The following PACS1 variants were observed in gnomAD, a reference collection of about 807,000 sequenced individuals.
PACS1 encodes PACS-1.
PACS1 carries 24 observed loss-of-function variants against 115.0 expected under a neutral mutation model. That is an observed-to-expected ratio of 0.21 (90% CI 0.15 to 0.29). PACS1 has a LOEUF of 0.29. Among genes scored for constraint, PACS1 ranks in the 10% least tolerant of loss-of-function variants. The pLI, the probability that PACS1 is intolerant of heterozygous loss-of-function variation, is 1.00. For missense variants in PACS1, 838 were observed against 1,251.2 expected (o/e 0.67, Z 4.98); for synonymous variants, 453 against 504.5 (o/e 0.90, Z 1.37).
intron 2 of PACS1, among the ~76,000 whole-genome samples, chr11:66,210,133 T>G (rs1245586493): frequency 1.3e-5 from 2 of 151,874 alleles, no homozygotes; most frequent in Non-Finnish European, 2.9e-5. Flanking sequence ...TGGGCTCAAG[T>G]GATCCTCGCA....
intron 2 of PACS1, among the ~76,000 whole-genome samples, chr11:66,199,429 T>A (rs187319613): frequency 1.2e-4 from 18 of 152,186 alleles, no homozygotes; most frequent in African/African-American, 3.1e-4. Flanking sequence ...TACCATTCAG[T>A]TTAAAATAAT....
At chr11:66,091,221 A>G (rs1306093888) in intron 1 of PACS1, among the ~76,000 whole-genome samples, 1 of 151,986 alleles carries the variant, frequency 6.6e-6, no homozygotes, top group Non-Finnish European at 1.5e-5. Flanking sequence ...GATCACTGCA[A>G]CCTCCGCCTC....
At chr11:66,200,815 C>T (rs1854771572) in intron 2 of PACS1, among the ~76,000 whole-genome samples, 1 of 151,856 alleles carries the variant, frequency 6.6e-6, no homozygotes, top group African/African-American at 2.4e-5. Context: ...ATTTACAGAA[C>T]ATTTCTTCCA....
intron 1 of PACS1, among the ~76,000 whole-genome samples, chr11:66,085,341 A>C (rs1590733229): frequency 6.6e-6 from 1 of 152,306 alleles, no homozygotes; most frequent in East Asian, 1.9e-4. Flanking sequence ...TTGAAAGAGA[A>C]CAGAAAAATA....
chr11:66,163,415 C>G (rs1859534550), intron 1 of PACS1, among the ~76,000 whole-genome samples: 1 of 151,066 alleles, frequency 6.6e-6, no homozygotes, highest in Non-Finnish European at 1.5e-5. Context: ...CCCAGTATCT[C>G]AGTCACACCC....
intron 1 of PACS1, among the ~76,000 whole-genome samples, chr11:66,146,702 A>G (rs1256627087): frequency 6.6e-6 from 1 of 152,150 alleles, no homozygotes; most frequent in Non-Finnish European, 1.5e-5. Context: ...AATCGGATAA[A>G]TATTAAGGGA....
intron 1 of PACS1, among the ~76,000 whole-genome samples, chr11:66,137,744 G>A (rs1858880817): frequency 6.6e-6 from 1 of 152,118 alleles, no homozygotes; most frequent in Admixed American, 6.5e-5. Context: ...ATTACTCACT[G>A]TTTCCTATTT....
intron 1 of PACS1, among the ~76,000 whole-genome samples, chr11:66,144,248 G>C (rs761747424): frequency 6.6e-6 from 1 of 152,210 alleles, no homozygotes; most frequent in Non-Finnish European, 1.5e-5. Context: ...TGTGTTTGCT[G>C]TATGACAAGA....
At chr11:66,165,759 T>C (rs1274050905) in intron 1 of PACS1, among the ~76,000 whole-genome samples, 1 of 152,126 alleles carries the variant, frequency 6.6e-6, no homozygotes, top group Non-Finnish European at 1.5e-5. Flanking sequence ...ATATATGTAT[T>C]AAGAGACAGT....
intron 1 of PACS1, among the ~76,000 whole-genome samples, chr11:66,115,430 G>A (rs1858284281): frequency 1.3e-5 from 2 of 152,150 alleles, no homozygotes; most frequent in South Asian, 4.1e-4. Context: ...GCAGTTGCTG[G>A]TTTATTAGCA....
At chr11:66,212,177 G>A (rs1855086885) in intron 4 of PACS1, among the ~76,000 whole-genome samples, 1 of 151,536 alleles carries the variant, frequency 6.6e-6, no homozygotes, top group African/African-American at 2.4e-5. Context: ...CTGTCGCCAG[G>A]CTGGAGTGCA....
chr11:66,206,859 A>G (rs1024079669), intron 2 of PACS1, among the ~76,000 whole-genome samples: 11 of 152,230 alleles, frequency 7.2e-5, no homozygotes, highest in African/African-American at 2.7e-4. Flanking sequence ...TCAGGCCTTC[A>G]TATTCTGTGA....
rs551694462 is a variant in PACS1 at position 66,120,256 on chromosome 11, C to T, written c.356+49414C>T. ...TCTGCCCCCTGTGTGCCACCACTCT[C>T]GGCTAATTTTTGTATTTTTAGTAGA... is the stretch of plus-strand genomic sequence containing the variant. On this transcript the variant is annotated intron_variant, in intron 1 of 23. Transcript: ENST00000320580. 4.6e-5 allele frequency among the ~76,000 whole-genome samples: 7 copies of T among 150,664 alleles called. No individual in the cohort carries two copies. In the South Asian group the frequency reaches 6.3e-4, roughly 14 times the overall value.
intron 1 of PACS1, chr11:66,083,969 T>A (rs925193761): frequency 6.6e-6 from 1 of 152,184 alleles, no homozygotes; most frequent in Admixed American, 6.5e-5. Context: ...TGAGCACACA[T>A]TACAGACCAG....
At chr11:66,148,879 T>C (rs1394774380) in intron 1 of PACS1, among the ~76,000 whole-genome samples, 1 of 152,050 alleles carries the variant, frequency 6.6e-6, no homozygotes, top group East Asian at 1.9e-4. Context: ...TGAGCCGAGA[T>C]TGCACCACTG....
intron 1 of PACS1, among the ~76,000 whole-genome samples, chr11:66,099,363 A>G (rs1193433378): frequency 6.6e-6 from 1 of 151,958 alleles, no homozygotes; most frequent in Non-Finnish European, 1.5e-5. Flanking sequence ...AGCTGGGACT[A>G]CAGGCGCCCA....
chr11:66,235,903 A>G lies in PACS1; in HGVS notation c.2213A>G (p.Asp738Gly). ...TCTCCTGTGTCTCCCAACAGCCCTG[A>G]TGAAGACTCCTATCAGAAGTTTATT... is the stretch of plus-strand genomic sequence containing the variant. ...AMLTCRHKFP[D>G]EDSYQKFIPF... The change falls in exon 19 of 24, where the codon GAT becomes GGT. Residue 738 changes from aspartate (D) to glycine (G), a missense_variant. Physicochemically the swap from Asp to Gly is moderately conservative, Grantham distance 94. Around this residue, in one of 6 missense-constraint regions of PACS1, gnomAD observed 383 missense variants for 537.0 expected, o/e 0.71. Coordinates refer to ENST00000320580, the MANE Select transcript of PACS1 (RefSeq NM_018026.4). The surrounding 1 kb of genome is among the most constrained non-coding windows in gnomAD (Gnocchi z 5.6). 6.2e-7 allele frequency: 1 copy of G among 1,613,852 alleles called. No homozygotes were observed. Among genetic ancestry groups the G allele is most frequent in the South Asian group, 1.1e-5 (1 of 91,076 alleles).
chr11:66,190,130 A>G (rs546645370), intron 1 of PACS1, among the ~76,000 whole-genome samples: 88 of 152,322 alleles, frequency 5.8e-4, no homozygotes, highest in Non-Finnish European at 1.1e-3. Flanking sequence ...TTTATAAAAC[A>G]TCTAAGCTTC....
intron 1 of PACS1, among the ~76,000 whole-genome samples, chr11:66,142,587 C>T (rs1319121581): frequency 4.2e-5 from 6 of 142,408 alleles, no homozygotes; most frequent in Non-Finnish European, 9.0e-5. Flanking sequence ...GGACTACAGG[C>T]GTGAGGCACT....
Sources: gnomAD v4.1 joint callset for allele counts (sites outside exome capture counted in the v4.1 genomes callset) on GRCh38, gnomAD v4.1.1 for gene constraint, gnomAD v4.1.1 regional missense constraint, Gnocchi (gnomAD v3.1) non-coding constraint, MANE v1.5 for transcripts, NCBI Gene and HGNC (gene_info 2026-07-23, HGNC 2026-07-21) for gene names.